The following MALT1 variants were observed in gnomAD, a reference collection of about 807,000 sequenced individuals.
The protein encoded by MALT1 is mucosa-associated lymphoid tissue lymphoma translocation protein 1.
A neutral mutation model predicts 85.5 loss-of-function variants in MALT1; 36 were observed. That is an observed-to-expected ratio of 0.42 (90% CI 0.32 to 0.56). The LOEUF is 0.56. Among genes scored for constraint, MALT1 ranks in the 20% least tolerant of loss-of-function variants. The pLI, the probability that MALT1 is intolerant of heterozygous loss-of-function variation, is 0.10. For synonymous variants in MALT1, 359 were observed against 361.3 expected (o/e 0.99, Z 0.07); for missense variants, 716 against 981.6 (o/e 0.73, Z 3.62).
chr18:58,671,855 G>A lies in MALT1; in HGVS notation c.209+3G>A. The A allele has an allele frequency of 3.3e-6, 4 of 1,224,474 alleles. No homozygotes were observed. The highest frequency in any genetic ancestry group is 4.1e-6 in the Non-Finnish European group (4 of 983,542). 75.9% of individuals were successfully genotyped at this position (1,224,474 alleles called of 1,614,324 possible). A position where few individuals can be genotyped will look rare whatever the true frequency, so the allele number is the denominator to read the frequency against. On this transcript the variant is annotated splice_donor_region_variant and intron_variant, in intron 1 of 16. Transcript: ENST00000649217. ...AGTCGCGGGCGCCTCCGCCTCAGGTGAGCTCAGGGCCGCGGCAGGCCGGGC... is the reference window on the plus strand; with the variant it reads ...AGTCGCGGGCGCCTCCGCCTCAGGTAAGCTCAGGGCCGCGGCAGGCCGGGC...
chr18:58,703,988 A>G (rs1200522023), intron 4 of MALT1, among the ~76,000 whole-genome samples: 5 of 152,158 alleles, frequency 3.3e-5, no homozygotes, highest in Non-Finnish European at 7.4e-5. Flanking sequence ...AAATTTACTC[A>G]TGTTGTTCAG....
intron 1 of MALT1, among the ~76,000 whole-genome samples, chr18:58,673,460 CT>C (rs993768050): frequency 1.3e-5 from 2 of 149,806 alleles, no homozygotes; most frequent in East Asian, 1.9e-4. Context: ...TTTGCATTAT[CT>C]TTTTTTTTTC....
chr18:58,735,069 C>T (rs1377657308), intron 12 of MALT1, 133 bp from the exon 13 acceptor site: 2 of 707,534 alleles, frequency 2.8e-6, no homozygotes, highest in Non-Finnish European at 4.6e-6. Context: ...GTCCCCACCC[C>T]CCCCCAGCCT....
intron 2 of MALT1, among the ~76,000 whole-genome samples, chr18:58,694,043 G>A (rs1255927839): frequency 2.6e-5 from 4 of 152,194 alleles, no homozygotes; most frequent in African/African-American, 9.6e-5. Flanking sequence ...TTCAGCAAGA[G>A]TGCTTATCCC....
chr18:58,727,631 T>TTG (rs2055081603), intron 10 of MALT1, among the ~76,000 whole-genome samples: 4 of 149,522 alleles, frequency 2.7e-5, no homozygotes, highest in Admixed American at 2.6e-4. Context: ...TTTTTTTGTT[T>TTG]TTTTTTTTTT....
intron 16 of MALT1, among the ~76,000 whole-genome samples, chr18:58,746,756 C>A (rs1471116495): frequency 6.6e-6 from 1 of 150,944 alleles, no homozygotes; most frequent in African/African-American, 2.4e-5. Flanking sequence ...GAGATGGTGT[C>A]TCTCTCTGTC....
intron 4 of MALT1, among the ~76,000 whole-genome samples, chr18:58,708,099 GGC>G (rs2144383741): frequency 6.6e-6 from 1 of 152,290 alleles, no homozygotes; most frequent in South Asian, 2.1e-4. Flanking sequence ...GGAAAGCAAA[GGC>G]ACTGCATTCA....
In MALT1 at chr18:58,723,506, AT is replaced by A. The variant is rs533201247; in HGVS notation, c.1222+264del. 4.8e-3 allele frequency among the ~76,000 whole-genome samples: 723 copies of A among 151,226 alleles called. 3 individuals are homozygous for A. Among genetic ancestry groups the A allele is most frequent in the South Asian group, 0.02 (96 of 4,778 alleles). Reference sequence around the variant, plus strand: ...CTAGAATTCTTACCTGTCTTTTGTGATTTTTTTTTAATTGATAGAGCCACAG... The same window carrying A: ...CTAGAATTCTTACCTGTCTTTTGTGATTTTTTTTAATTGATAGAGCCACAG... On this transcript the variant is annotated intron_variant, in intron 10 of 16. Transcript: ENST00000649217.
At position 58,704,686 on chromosome 18, in the gene MALT1, C is replaced by T. The variant is rs114465042; in HGVS notation, c.649+4095C>T. Among the ~76,000 whole-genome samples, 1,091 of 152,242 alleles carry T rather than the reference C, an allele frequency of 7.2e-3. 15 individuals carry two copies. Among genetic ancestry groups the T allele is most frequent in the African/African-American group, 0.025 (1,039 of 41,540 alleles). ...TTGCCCAGGCTGGTCTCAAGCGATC[C>T]GCCCACCTCGGCCTCCCAAAGTGCT... On this transcript the variant is annotated intron_variant, in intron 4 of 16. Transcript: ENST00000649217.
At chr18:58,707,278 A>G (rs2054765155) in intron 4 of MALT1, among the ~76,000 whole-genome samples, 1 of 150,764 alleles carries the variant, frequency 6.6e-6, no homozygotes, top group Admixed American at 6.6e-5. Context: ...TTTTCTCCAG[A>G]TCCTTTAAGA....
rs1223184440 is a variant in MALT1 at position 58,747,730 on chromosome 18, C to T, written c.2363C>T (p.Ser788Leu). 1 of 1,614,176 alleles carries T rather than the reference C, an allele frequency of 6.2e-7. No homozygotes were observed. The highest frequency in any genetic ancestry group is 1.1e-5 in the South Asian group (1 of 91,080). Residue 788 changes from serine (S) to leucine (L), a missense_variant, in exon 17 of 17, where the codon TCA becomes TTA. This residue lies in a region of MALT1 where 260 missense variants were observed against 323.7 expected (regional missense o/e 0.80). Coordinates refer to ENST00000649217, the MANE Select transcript of MALT1 (RefSeq NM_006785.4). The part of the protein sequence containing the change: ...HCSRTPDAFI[S>L]SFAHHASCHF... ...AGCCGGACTCCAGATGCATTTATTT[C>T]AAGTTTCGCTCACCATGCTTCATGT...
chr18:58,753,927 CTTGAG>C lies in MALT1; in HGVS notation c.*6088_*6092del, dbSNP rs1217628722. The C allele has an allele frequency of 3.9e-5, 6 of 152,154 alleles. No homozygotes were observed. The highest frequency in any genetic ancestry group is 1.2e-4 in the African/African-American group (5 of 41,518). The allele number at this position is 152,154 out of a possible 1,614,324, so 9.4% of individuals were successfully genotyped here. A position where few individuals can be genotyped will look rare whatever the true frequency, so the allele number is the denominator to read the frequency against. ...GAAGTAATTCCCACTTTTTTTCATGCTTGAGTTTAGTTGATAAATAGCATTTTAGA... is the reference window on the plus strand; with the variant it reads ...GAAGTAATTCCCACTTTTTTTCATGCTTTAGTTGATAAATAGCATTTTAGA... On this transcript the variant is annotated 3_prime_UTR_variant, in exon 17 of 17. Transcript: ENST00000649217.
At chr18:58,711,060 C>A in intron 7 of MALT1, 107 bp downstream of exon 7, 2 of 608,510 alleles carry the variant, frequency 3.3e-6, no homozygotes, top group Non-Finnish European at 5.6e-6. Flanking sequence ...AAAATACTAG[C>A]TGTAAGAAAT....
chr18:58,723,556 C>T (rs1198256977), intron 10 of MALT1, among the ~76,000 whole-genome samples: 1 of 152,056 alleles, frequency 6.6e-6, no homozygotes, highest in African/African-American at 2.4e-5. Context: ...GATAACCACA[C>T]AGCAAAATTT....
Position 58,715,857 on chromosome 18 carries a change from T to C in MALT1, c.986-78T>C, listed in dbSNP as rs572879948. The C allele has an allele frequency of 4.9e-5, 45 of 922,630 alleles. 2 individuals are homozygous for C. The highest frequency in any genetic ancestry group is 4.3e-4 in the South Asian group (31 of 71,896). The allele number at this position is 922,630 out of a possible 1,614,324, so 57.2% of individuals were successfully genotyped here. A position where few individuals can be genotyped will look rare whatever the true frequency, so the allele number is the denominator to read the frequency against. ...TATTCTGTAAGTGATGCTGCTGATG[T>C]TATATACTTTTCATGTATCTTTAAC... On this transcript the variant is annotated intron_variant, in intron 8 of 16. Coordinates refer to ENST00000649217, the MANE Select transcript of MALT1 (RefSeq NM_006785.4).
In MALT1 at chr18:58,749,806, T is replaced by G. The variant is rs113711732; in HGVS notation, c.*1964T>G. On this transcript the variant is annotated 3_prime_UTR_variant, in exon 17 of 17. Transcript: ENST00000649217. The stretch of plus-strand genomic sequence containing the variant: ...TAGGAATAAAAGGAATCTTCCTAGA[T>G]ATGATAAATATAACATCTATGAAAA... The G allele has an allele frequency of 1.2e-3, 252 of 211,554 alleles. No homozygotes were observed. Among genetic ancestry groups the G allele is most frequent in the African/African-American group, 5.3e-3 (237 of 44,316 alleles). 13.1% of individuals were successfully genotyped at this position (211,554 alleles called of 1,614,324 possible).
At chr18:58,684,006 A>G (rs1283555190) in intron 2 of MALT1, among the ~76,000 whole-genome samples, 1 of 152,138 alleles carries the variant, frequency 6.6e-6, no homozygotes, top group Non-Finnish European at 1.5e-5. Context: ...ATCTCGGCTC[A>G]CTGCAACTTC....
In MALT1 at chr18:58,745,275, T is replaced by C. The variant is rs375934841; in HGVS notation, c.1912-391T>C. Among the ~76,000 whole-genome samples the C allele has an allele frequency of 2.0e-5, 3 of 152,320 alleles. No individual in the cohort carries two copies. The East Asian group carries it at 5.8e-4, about 29-fold the overall frequency. On this transcript the variant is annotated intron_variant, in intron 15 of 16. Coordinates refer to ENST00000649217, the MANE Select transcript of MALT1 (RefSeq NM_006785.4). Reference sequence around the variant, plus strand: ...AAGGAAAAGGCTGTTTATTTATCCTTCTTAAATATTCTAATCATATAAATT... The same window carrying C: ...AAGGAAAAGGCTGTTTATTTATCCTCCTTAAATATTCTAATCATATAAATT...
At chr18:58,682,167 T>C (rs1420126801) in intron 2 of MALT1, among the ~76,000 whole-genome samples, 1 of 152,218 alleles carries the variant, frequency 6.6e-6, no homozygotes. Flanking sequence ...GTATACCATT[T>C]CAATATATAA....
Sources: gnomAD v4.1 joint callset for allele counts (sites outside exome capture counted in the v4.1 genomes callset) on GRCh38, gnomAD v4.1.1 for gene constraint, gnomAD v4.1.1 regional missense constraint, MANE v1.5 for transcripts, NCBI Gene and HGNC (gene_info 2026-07-23, HGNC 2026-07-21) for gene names.